TBL1Y: variants seen among roughly 807,000 people sequenced by gnomAD.
TBL1Y encodes transducin beta like 1 Y-linked.
Under a neutral mutation model 12.0 loss-of-function variants are expected in TBL1Y, and 15 were observed. The observed-to-expected ratio is 1.25, with a 90% CI of 0.83 to 1.92. The LOEUF (loss-of-function observed/expected upper bound fraction) is 1.92. TBL1Y is among the 40% of genes most tolerant of loss of function. The pLI is 0.00. For missense variants in TBL1Y, 148 were observed against 116.7 expected (o/e 1.27, Z -1.24); for synonymous variants, 53 against 42.6 (o/e 1.24, Z -0.95).
chrY:7,086,151 G>C (rs2013131714), intron 15 of TBL1Y, 139 bp from the exon 16 acceptor site: 1 of 264,283 alleles, frequency 3.8e-6, no homozygotes. Context: ...CAGCCTCCCC[G>C]CATCCTTTCT....
intron 10 of TBL1Y, 69 bp from the exon 11 acceptor site, chrY:7,071,491 C>T (rs1019692230): frequency 2.2e-5 from 7 of 318,608 alleles, no homozygotes; most frequent in Non-Finnish European, 3.3e-5. Context: ...GAGAGAGGCT[C>T]TCTGAGCTTC....
chrY:6,959,799 C>A (rs2012110851), intron 2 of TBL1Y, among the ~76,000 whole-genome samples: 2 of 33,893 alleles, frequency 5.9e-5, no homozygotes, highest in African/African-American at 2.3e-4. Flanking sequence ...ATACAAAAAT[C>A]TGACATATTC....
In TBL1Y at chrY:6,948,943, A is replaced by C. The variant is rs758613105; in HGVS notation, c.-265-29270A>C. 1.5e-3 allele frequency among the ~76,000 whole-genome samples: 47 copies of C among 32,236 alleles called. No individual in the cohort carries two copies. In the South Asian group the frequency reaches 0.027, roughly 19 times the overall value. 86.5% of individuals were successfully genotyped at this position (32,236 alleles called of 37,273 possible). On this transcript the variant is annotated intron_variant, in intron 2 of 18. Coordinates refer to ENST00000383032, the MANE Select transcript of TBL1Y (RefSeq NM_033284.2). ...AATTTATATATGCAAAAGTGCATTA[A>C]TATAGTAATACATTTAGCAGTAATA...
At chrY:6,964,799 G>A (rs529351570) in intron 2 of TBL1Y, among the ~76,000 whole-genome samples, 14 of 32,137 alleles carry the variant, frequency 4.4e-4, no homozygotes, top group African/African-American at 1.2e-3. Context: ...CACTCAGTTC[G>A]GACAGACGCT....
intron 2 of TBL1Y, among the ~76,000 whole-genome samples, chrY:6,926,610 AATTT>A (rs2011826473): frequency 5.9e-5 from 2 of 33,697 alleles, no homozygotes; most frequent in African/African-American, 2.3e-4. Flanking sequence ...TTATTTAACT[AATTT>A]ATTTATTTTG....
intron 4 of TBL1Y, among the ~76,000 whole-genome samples, chrY:6,998,132 C>T: frequency 2.9e-5 from 1 of 33,912 alleles, no homozygotes; most frequent in East Asian, 8.0e-4. Context: ...TGGCACAGGC[C>T]GGTACTGGAA....
chrY:7,090,186 G>A lies in TBL1Y; in HGVS notation c.1544G>A (p.Gly515Asp). The change falls in exon 18 of 19, where the codon GGC becomes GAC. Residue 515 changes from glycine to aspartate, a missense_variant. Coordinates refer to ENST00000383032, the MANE Select transcript of TBL1Y (RefSeq NM_033284.2). ...AAAGTGGGCGCCAGCGCGTCTGATG[G>A]CTCTGTAAGCAACACCTCTGGTTTA... ...GDKVGASASD[G>D]SVCVLDL 2.5e-5 allele frequency: 10 copies of A among 395,422 alleles called. No individual in the cohort carries two copies. Among genetic ancestry groups the A allele is most frequent in the Non-Finnish European group, 3.6e-5 (10 of 280,782 alleles).
intron 17 of TBL1Y, among the ~76,000 whole-genome samples, chrY:7,087,743 T>A: frequency 3.0e-5 from 1 of 33,461 alleles, no homozygotes; most frequent in African/African-American, 1.2e-4. Context: ...TTCTGTTCAC[T>A]TTCTGAGCTC....
intron 2 of TBL1Y, among the ~76,000 whole-genome samples, chrY:6,977,147 C>T (rs558208130): frequency 3.3e-4 from 11 of 32,973 alleles, no homozygotes; most frequent in African/African-American, 1.2e-4. Context: ...ATTTAAGGGA[C>T]GTTGCTACTA....
intron 17 of TBL1Y, 42 bp downstream of exon 17, chrY:7,087,474 C>A (rs1569370945): frequency 5.3e-6 from 2 of 377,059 alleles, no homozygotes; most frequent in Non-Finnish European, 3.7e-6. Flanking sequence ...TAAGGGATGC[C>A]TGAACAGCCA....
intron 2 of TBL1Y, among the ~76,000 whole-genome samples, chrY:6,923,693 A>AT (rs2011800044): frequency 3.1e-5 from 1 of 31,909 alleles, no homozygotes; most frequent in Non-Finnish European, 7.6e-5. Context: ...GCTAATCTGT[A>AT]TTTTTAGTGG....
At chrY:7,001,605 C>T (rs2012452280) in intron 4 of TBL1Y, among the ~76,000 whole-genome samples, 1 of 31,397 alleles carries the variant, frequency 3.2e-5, no homozygotes, top group African/African-American at 1.2e-4. Context: ...GGCAACACAG[C>T]GAGACTCCGT....
chrY:7,034,854 A>G, intron 6 of TBL1Y, among the ~76,000 whole-genome samples: 1 of 34,059 alleles, frequency 2.9e-5, no homozygotes, highest in African/African-American at 1.1e-4. Flanking sequence ...ACCTAAAATG[A>G]TAAAAACCCT....
chrY:6,981,663 A>G (rs2012281540), intron 3 of TBL1Y, among the ~76,000 whole-genome samples: 2 of 30,202 alleles, frequency 6.6e-5, no homozygotes, highest in African/African-American at 2.6e-4. Flanking sequence ...AGTACAGACT[A>G]CAGACTAGAG....
intron 2 of TBL1Y, among the ~76,000 whole-genome samples, chrY:6,976,419 G>A (rs2012241057): frequency 1.5e-4 from 5 of 33,760 alleles, no homozygotes; most frequent in Admixed American, 1.3e-3. Flanking sequence ...AGTCCCAGTT[G>A]TTCTCTGTTA....
intron 2 of TBL1Y, among the ~76,000 whole-genome samples, chrY:6,916,703 G>A (rs943962928): frequency 3.0e-5 from 1 of 33,015 alleles, no homozygotes; most frequent in African/African-American, 1.2e-4. Flanking sequence ...CCTGGGCAAC[G>A]AGAGCGAAAT....
intron 2 of TBL1Y, among the ~76,000 whole-genome samples, chrY:6,955,500 T>A: frequency 2.9e-5 from 1 of 34,069 alleles, no homozygotes; most frequent in Non-Finnish European, 7.3e-5. Context: ...TGTTTAGGAT[T>A]TTCTTTTACT....
chrY:7,047,605 T>C lies in TBL1Y; in HGVS notation c.204+4480T>C, dbSNP rs2012765730. On this transcript the variant is annotated intron_variant, in intron 7 of 18. Transcript: ENST00000383032. The stretch of plus-strand genomic sequence containing the variant: ...ATCACGTTTTTCCAAATTAGGTGTA[T>C]AGCACTGATTAATGGGTTATCATAG... Among the ~76,000 whole-genome samples, 3 of 33,101 alleles carry C rather than the reference T, an allele frequency of 9.1e-5. No homozygotes were observed. In the South Asian group the frequency reaches 2.0e-3, roughly 23 times the overall value. The allele number at this position is 33,101 out of a possible 37,273, so 88.8% of individuals were successfully genotyped here.
At chrY:7,057,684 A>T in intron 7 of TBL1Y, among the ~76,000 whole-genome samples, 1 of 33,645 alleles carries the variant, frequency 3.0e-5, no homozygotes, top group African/African-American at 1.2e-4. Context: ...TAGAGCAGTC[A>T]CACACTGCAA....
Sources: gnomAD v4.1 joint callset for allele counts (sites outside exome capture counted in the v4.1 genomes callset) on GRCh38, gnomAD v4.1.1 for gene constraint, MANE v1.5 for transcripts, NCBI Gene and HGNC (gene_info 2026-07-23, HGNC 2026-07-21) for gene names.